PTPRB: variants seen among roughly 807,000 people sequenced by gnomAD.
PTPRB encodes protein tyrosine phosphatase receptor type B.
A neutral mutation model predicts 238.1 loss-of-function variants in PTPRB; 97 were observed. That is an observed-to-expected ratio of 0.41 (90% CI 0.35 to 0.48). PTPRB has a LOEUF of 0.48. Among genes scored for constraint, PTPRB ranks in the 20% least tolerant of loss-of-function variants. PTPRB has a pLI of 0.30. For synonymous variants in PTPRB, 970 were observed against 995.4 expected (o/e 0.97, Z 0.48); for missense variants, 2,292 against 2,681.9 (o/e 0.85, Z 3.21).
intron 10 of PTPRB, 80 bp downstream of exon 10, chr12:70,580,956 A>G (rs770775295): frequency 5.9e-5 from 86 of 1,456,046 alleles, no homozygotes; most frequent in Non-Finnish European, 7.8e-5. Flanking sequence ...TGATTTTAGG[A>G]TATTTCTATA....
chr12:70,595,465 G>T (rs1388704571), intron 5 of PTPRB, among the ~76,000 whole-genome samples: 1 of 151,974 alleles, frequency 6.6e-6, no homozygotes, highest in Non-Finnish European at 1.5e-5. Flanking sequence ...AGAACTTAAA[G>T]TATAATAAAA....
chr12:70,538,376 G>A (rs1592417724), intron 27 of PTPRB, 145 bp from the exon 28 acceptor site: 2 of 636,160 alleles, frequency 3.1e-6, no homozygotes, highest in Non-Finnish European at 5.3e-6. Context: ...GCTCAGGCAG[G>A]ATAACTAACT....
chr12:70,593,159 A>C (rs955333027), intron 6 of PTPRB, among the ~76,000 whole-genome samples: 1 of 152,228 alleles, frequency 6.6e-6, no homozygotes, highest in Non-Finnish European at 1.5e-5. Flanking sequence ...GAAAATGATT[A>C]AAAAGGAGAT....
At chr12:70,576,779 T>C (rs1280003003) in intron 10 of PTPRB, 134 bp from the exon 11 acceptor site, 2 of 602,864 alleles carry the variant, frequency 3.3e-6, no homozygotes, top group Non-Finnish European at 5.9e-6. Context: ...AATCTGATTA[T>C]ATAAGAGGTC....
intron 15 of PTPRB, among the ~76,000 whole-genome samples, chr12:70,564,391 A>G (rs931486771): frequency 2.6e-5 from 4 of 151,838 alleles, no homozygotes; most frequent in African/African-American, 9.7e-5. Context: ...GCATACCTGT[A>G]GTCCCACTCG....
rs1344017754 is a variant in PTPRB, at chr12:70,637,397, T to C, written c.-2A>G. 4 of 1,607,304 alleles carry C rather than the reference T, an allele frequency of 2.5e-6. No homozygotes were observed. The highest frequency in any genetic ancestry group is 3.4e-6 in the Non-Finnish European group (4 of 1,176,960). ...CACCATGTAAAATTCAGCCTCCATT[T>C]TCCACTTAGCAACTGTTCATGCTTC... On this transcript the variant is annotated 5_prime_UTR_variant, in exon 1 of 34. Coordinates refer to ENST00000334414, the MANE Select transcript of PTPRB (RefSeq NM_001109754.4).
At chr12:70,586,947 G>A in intron 9 of PTPRB, 60 bp downstream of exon 9, 1 of 1,498,258 alleles carries the variant, frequency 6.7e-7, no homozygotes, top group Non-Finnish European at 9.1e-7. Flanking sequence ...TAAATTGCAT[G>A]TTAAATAGTA....
chr12:70,561,517 A>G (rs10467170), intron 16 of PTPRB, among the ~76,000 whole-genome samples: 68,276 of 152,056 alleles, frequency 0.45, 16,431 homozygotes, highest in African/African-American at 0.62. Flanking sequence ...CCACATTGGG[A>G]GACCTTTAAG....
At chr12:70,539,891 A>C (rs1232279857) in intron 24 of PTPRB, 47 bp from the exon 25 acceptor site, 1 of 1,580,346 alleles carries the variant, frequency 6.3e-7, no homozygotes, top group Admixed American at 1.7e-5. Flanking sequence ...CAAATTTCAC[A>C]TAATACCATC....
intron 22 of PTPRB, 111 bp downstream of exon 22, chr12:70,544,446 A>G (rs920015066): frequency 2.6e-6 from 2 of 759,704 alleles, no homozygotes; most frequent in Middle Eastern, 2.3e-4. Flanking sequence ...ATAAAGATTA[A>G]GTTCCAAATG....
intron 32 of PTPRB, among the ~76,000 whole-genome samples, chr12:70,525,761 C>G (rs769156988): frequency 6.6e-6 from 1 of 152,222 alleles, no homozygotes; most frequent in Non-Finnish European, 1.5e-5. Flanking sequence ...TGCTGAGCAA[C>G]TGCTCAGAGG....
chr12:70,576,608 G>A lies in PTPRB; in HGVS notation c.2616C>T (p.Ser872=). 2 of 1,476,180 alleles carry A rather than the reference G, an allele frequency of 1.4e-6. No individual in the cohort carries two copies. The highest frequency in any genetic ancestry group is 9.1e-7 in the Non-Finnish European group (1 of 1,104,896). The allele number at this position is 1,476,180 out of a possible 1,614,324, so 91.4% of individuals were successfully genotyped here. ...SSVSGVTVNN[S]GRNDYLSVSW... ...AAACGCTGAGGTAGTCATTACGACC[G>A]GAATTGTTCACCGTTACTCCACTCA... The change falls in exon 11 of 34, where the codon TCC becomes TCT. Residue 872 remains serine, a synonymous_variant. Transcript: ENST00000334414.
chr12:70,538,021 A>T, intron 28 of PTPRB, 134 bp downstream of exon 28: 1 of 666,678 alleles, frequency 1.5e-6, no homozygotes, highest in South Asian at 2.3e-5. Context: ...TTTTTATGGC[A>T]TTCAGATGTG....
intron 22 of PTPRB, chr12:70,541,557 CA>C (rs1209684385): frequency 1.5e-4 from 23 of 152,294 alleles, no homozygotes; most frequent in African/African-American, 5.3e-4. Context: ...TCACCACAAT[CA>C]ATTTTAAAAC....
At chr12:70,602,978 T>A (rs1473343311) in intron 4 of PTPRB, among the ~76,000 whole-genome samples, 1 of 152,186 alleles carries the variant, frequency 6.6e-6, no homozygotes, top group Non-Finnish European at 1.5e-5. Flanking sequence ...TTATCTTTTA[T>A]TCCCAGGGGG....
chr12:70,579,156 TC>T (rs1351642077), intron 10 of PTPRB, among the ~76,000 whole-genome samples: 1 of 152,156 alleles, frequency 6.6e-6, no homozygotes, highest in East Asian at 1.9e-4. Flanking sequence ...TGCAAGGTCG[TC>T]CTCCACTCCT....
chr12:70,549,551 C>T (rs1042909327), intron 21 of PTPRB, among the ~76,000 whole-genome samples: 1 of 152,212 alleles, frequency 6.6e-6, no homozygotes, highest in Non-Finnish European at 1.5e-5. Context: ...CCTAGCATTT[C>T]CCATTTCTCA....
intron 10 of PTPRB, 86 bp from the exon 11 acceptor site, chr12:70,576,731 T>G: frequency 1.4e-6 from 1 of 731,732 alleles, no homozygotes. Flanking sequence ...AGTCGTCTAT[T>G]GCAGTCAGCA....
chr12:70,529,404 T>C (rs992046745), intron 32 of PTPRB, among the ~76,000 whole-genome samples: 3 of 152,122 alleles, frequency 2.0e-5, no homozygotes, highest in Non-Finnish European at 4.4e-5. Flanking sequence ...TTTGAGACTA[T>C]TTACAATACG....
Sources: allele counts gnomAD v4.1 joint callset (sites outside exome capture counted in the v4.1 genomes callset), GRCh38; gene constraint gnomAD v4.1.1; transcripts MANE v1.5; gene names NCBI Gene and HGNC (gene_info 2026-07-23, HGNC 2026-07-21).